The following LINS1 variants were observed in gnomAD, a reference collection of about 807,000 sequenced individuals.
LINS1 encodes the protein protein Lines homolog 1.
In LINS1, 27 loss-of-function variants were observed where a neutral mutation model predicts 41.6. That is an observed-to-expected ratio of 0.65 (90% CI 0.48 to 0.89). The LOEUF is 0.89. Ranked by LOEUF, LINS1 falls within the 40% of genes least tolerant of loss-of-function variation. The pLI is 0.00. For synonymous variants in LINS1, 336 were observed against 312.9 expected, an observed-to-expected ratio of 1.07 and a Z score of -0.78; for missense variants, 955 against 884.1, an observed-to-expected ratio of 1.08 and a Z score of -1.02.
intron 1 of LINS1, among the ~76,000 whole-genome samples, chr15:100,583,172 C>G (rs12898567): frequency 0.11 from 16,593 of 149,872 alleles, 998 homozygotes; most frequent in East Asian, 0.26. Context: ...ACTGGGTCTT[C>G]CATCTACAAC....
intron 1 of LINS1, among the ~76,000 whole-genome samples, chr15:100,601,485 A>C (rs1430614993): frequency 6.6e-6 from 1 of 152,194 alleles, no homozygotes; most frequent in Non-Finnish European, 1.5e-5. Flanking sequence ...TCTACCTCTC[A>C]GTACTGCCAC....
chr15:100,575,589 C>A (rs1406376175), intron 3 of LINS1, among the ~76,000 whole-genome samples: 1 of 152,070 alleles, frequency 6.6e-6, no homozygotes, highest in Non-Finnish European at 1.5e-5. Flanking sequence ...ACTTTAACAC[C>A]CCACTGTCAA....
intron 6 of LINS1, among the ~76,000 whole-genome samples, chr15:100,570,863 ACTAT>A (rs1357002699): frequency 2.0e-5 from 3 of 152,208 alleles, no homozygotes; most frequent in Non-Finnish European, 2.9e-5. Context: ...TCTGAAAAAA[ACTAT>A]CTATGTTGTA....
chr15:100,576,323 T>TA (rs2038174938), intron 3 of LINS1, among the ~76,000 whole-genome samples: 1 of 151,942 alleles, frequency 6.6e-6, no homozygotes, highest in South Asian at 2.1e-4. Flanking sequence ...ATAGACGCAA[T>TA]AAAAAATGAT....
In LINS1 at chr15:100,569,610, A is replaced by T. The variant is rs758833825; in HGVS notation, c.1902T>A (p.Asp634Glu). Residue 634 changes from aspartate to glutamate, a missense_variant, in exon 7 of 7, where the codon GAT becomes GAA. By Grantham distance (45) the Asp-to-Glu change is conservative. Transcript: ENST00000314742. ...ACTGCTCTGTGGATTCCACGTCAGA[A>T]TCGTCAGAGCTGTCGTAATCTACCA... is the stretch of plus-strand genomic sequence containing the variant. ...QSLVDYDSSD[D>E]SDVESTEQCL... 6.2e-7 allele frequency: 1 copy of T among 1,613,510 alleles called. No individual in the cohort carries two copies. Among genetic ancestry groups the T allele is most frequent in the Non-Finnish European group, 8.5e-7 (1 of 1,179,504 alleles).
chr15:100,599,328 C>G (rs1282417350), intron 1 of LINS1, among the ~76,000 whole-genome samples: 2 of 152,132 alleles, frequency 1.3e-5, no homozygotes, highest in African/African-American at 4.8e-5. Context: ...TCTGATAGCA[C>G]CAATTCAATA....
chr15:100,580,759 G>A lies in LINS1; in HGVS notation c.84C>T (p.Tyr28=). The A allele has an allele frequency of 1.2e-6, 2 of 1,609,456 alleles. No individual in the cohort carries two copies. Among genetic ancestry groups the A allele is most frequent in the South Asian group, 1.1e-5 (1 of 90,890 alleles). ...GATLENDSHD[Y]IFYLNPAVSD... ...AAACTGCTGGGTTGAGATAAAAGAT[G>A]TAATCATGGCTGTCATTTTCAAGTG... is the stretch of plus-strand genomic sequence containing the variant. Residue 28 remains tyrosine, a synonymous_variant, in exon 2 of 7, where the codon TAC becomes TAT. Coordinates refer to ENST00000314742, the MANE Select transcript of LINS1 (RefSeq NM_001040616.3).
chr15:100,584,553 C>A (rs12441461), intron 1 of LINS1, among the ~76,000 whole-genome samples: 2 of 151,590 alleles, frequency 1.3e-5, no homozygotes, highest in African/African-American at 2.4e-5. Flanking sequence ...GATTCAAAAT[C>A]AGCCTTTAGA....
rs2038485431 is a variant in LINS1 at position 100,580,610 on chromosome 15, G to T, written c.233C>A (p.Thr78Asn). ...TCTGGAACCGCTCATCTGAGAGTTG[G>T]TCTTCAAACACACAGGTGCTACAGC... is the stretch of plus-strand genomic sequence containing the variant. ...PIAVAPVCLK[T>N]NSQMSGSREV... Residue 78 changes from threonine to asparagine, a missense_variant, in exon 2 of 7, where the codon ACC becomes AAC. By Grantham distance (65) the Thr-to-Asn change is moderately conservative (BLOSUM62 0). Transcript: ENST00000314742. 1.2e-6 allele frequency: 2 copies of T among 1,613,990 alleles called. No homozygotes were observed. Among genetic ancestry groups the T allele is most frequent in the Non-Finnish European group, 1.7e-6 (2 of 1,179,950 alleles).
At chr15:100,572,884 G>A in intron 5 of LINS1, 1 of 712,066 alleles carries the variant, frequency 1.4e-6, no homozygotes, top group Non-Finnish European at 1.7e-6. Flanking sequence ...TACATTAGTG[G>A]AAACACTAAT....
At chr15:100,591,277 A>G (rs1021020077) in intron 1 of LINS1, among the ~76,000 whole-genome samples, 15 of 152,242 alleles carry the variant, frequency 9.9e-5, no homozygotes, top group Non-Finnish European at 1.9e-4. Flanking sequence ...TAGAATGTCA[A>G]ATGGTCTCTC....
In LINS1 at chr15:100,569,170, C is replaced by A; in HGVS notation, c.*68G>T. ...ACCCTTTTATGGTGATGATTTTATA[C>A]TATTACCTCATTGAGACATAATTTA... On this transcript the variant is annotated 3_prime_UTR_variant, in exon 7 of 7. Coordinates refer to ENST00000314742, the MANE Select transcript of LINS1 (RefSeq NM_001040616.3). The A allele has an allele frequency of 1.3e-4, 117 of 867,614 alleles. No homozygotes were observed. The highest frequency in any genetic ancestry group is 1.9e-4 in the Non-Finnish European group (104 of 540,572). The allele number at this position is 867,614 out of a possible 1,614,324, so 53.7% of individuals were successfully genotyped here. A position where few individuals can be genotyped will look rare whatever the true frequency, so the allele number is the denominator to read the frequency against.
At chr15:100,572,142 A>T in intron 5 of LINS1, 77 bp from the exon 6 acceptor site, 1 of 1,571,618 alleles carries the variant, frequency 6.4e-7, no homozygotes, top group African/African-American at 1.4e-5. Context: ...ATAAATTCAT[A>T]GTGTCTAAAG....
At chr15:100,580,185 C>T (rs1011970849) in intron 3 of LINS1, 78 bp downstream of exon 3, 3 of 1,108,930 alleles carry the variant, frequency 2.7e-6, no homozygotes, top group Non-Finnish European at 2.7e-6. Context: ...CACAGTGAGA[C>T]CTTGTCTCCA....
rs962425171 is a variant in LINS1 at position 100,596,550 on chromosome 15, G to A, written c.-104+5571C>T. Among the ~76,000 whole-genome samples the A allele has an allele frequency of 1.6e-4, 24 of 152,332 alleles. No individual in the cohort carries two copies. In the South Asian group the frequency reaches 1.7e-3, roughly 11 times the overall value. On this transcript the variant is annotated intron_variant, in intron 1 of 6. Transcript: ENST00000314742. ...AGTGATATACTGGTAACAGCCTGAT[G>A]ATACAGGAGCTAGAAATTATTTAGA...
chr15:100,596,197 CA>C (rs1421777729), intron 1 of LINS1, among the ~76,000 whole-genome samples: 1 of 152,176 alleles, frequency 6.6e-6, no homozygotes, highest in Non-Finnish European at 1.5e-5. Context: ...TGGAGTGCTA[CA>C]CCATCCTTCC....
chr15:100,582,168 C>T (rs904691810), intron 1 of LINS1, among the ~76,000 whole-genome samples: 17 of 151,868 alleles, frequency 1.1e-4, no homozygotes, highest in Non-Finnish European at 2.5e-4. Context: ...GCCCACCAGC[C>T]TAGTCTTGGT....
intron 3 of LINS1, among the ~76,000 whole-genome samples, chr15:100,579,051 G>C (rs2038366905): frequency 6.6e-6 from 1 of 152,022 alleles, no homozygotes; most frequent in South Asian, 2.1e-4. Context: ...GGAAGGGATA[G>C]CATTAGGAGA....
chr15:100,586,937 G>A (rs1230238842), intron 1 of LINS1, among the ~76,000 whole-genome samples: 7 of 152,038 alleles, frequency 4.6e-5, no homozygotes, highest in Non-Finnish European at 1.0e-4. Flanking sequence ...AAGGCGGGCA[G>A]ATCACGAGGT....
Sources: gnomAD v4.1 joint callset for allele counts (sites outside exome capture counted in the v4.1 genomes callset) on GRCh38, gnomAD v4.1.1 for gene constraint, MANE v1.5 for transcripts, NCBI Gene and HGNC (gene_info 2026-07-23, HGNC 2026-07-21) for gene names.